Variants in MALRD1 observed in about 807,000 individuals in gnomAD.
MALRD1 encodes MAM and LDL-receptor class A domain-containing protein 1.
MALRD1 carries 247 observed loss-of-function variants against 242.1 expected under a neutral mutation model. That is an observed-to-expected ratio of 1.02 (90% CI 0.92 to 1.13). The LOEUF is 1.13. Among genes scored for constraint, MALRD1 ranks in the 50% most tolerant of loss-of-function variants. The probability of loss-of-function intolerance (pLI) is 0.00; values close to 1 mark genes in which losing one functional copy is unlikely to be tolerated. For synonymous variants in MALRD1, 995 were observed against 866.6 expected (o/e 1.15, Z -2.60); for missense variants, 2,989 against 2,533.1 (o/e 1.18, Z -3.86).
At chr10:19,600,453 C>T (rs1347378113) in intron 34 of MALRD1, among the ~76,000 whole-genome samples, 1 of 152,090 alleles carries the variant, frequency 6.6e-6, no homozygotes, top group East Asian at 1.9e-4. Flanking sequence ...ATTATTTAAA[C>T]TGCTAAGGTA....
At chr10:19,108,920 T>C (rs1427371710) in intron 5 of MALRD1, among the ~76,000 whole-genome samples, 2 of 152,284 alleles carry the variant, frequency 1.3e-5, no homozygotes, top group East Asian at 3.9e-4. Flanking sequence ...TTGATATCTG[T>C]GCAACTGGTG....
chr10:19,139,645 G>A (rs972138532), intron 10 of MALRD1, among the ~76,000 whole-genome samples: 4 of 152,046 alleles, frequency 2.6e-5, no homozygotes, highest in South Asian at 2.1e-4. Flanking sequence ...CTTACTTTTC[G>A]GTATTATTTT....
chr10:19,543,897 C>G (rs1835093233), intron 32 of MALRD1, among the ~76,000 whole-genome samples: 1 of 152,140 alleles, frequency 6.6e-6, no homozygotes, highest in Non-Finnish European at 1.5e-5. Flanking sequence ...AATAAACTCT[C>G]TACTTAACGT....
intron 29 of MALRD1, among the ~76,000 whole-genome samples, chr10:19,468,176 A>T (rs535093562): frequency 2.2e-4 from 34 of 152,320 alleles, no homozygotes; most frequent in Middle Eastern, 3.4e-3. Flanking sequence ...TTTATTCCTT[A>T]ATGGTTAATT....
At chr10:19,121,112 C>T (rs1470868868) in intron 5 of MALRD1, among the ~76,000 whole-genome samples, 8 of 136,032 alleles carry the variant, frequency 5.9e-5, no homozygotes, top group Non-Finnish European at 1.2e-4. Flanking sequence ...GGTGCGATCT[C>T]GGCTCACTGC....
At chr10:19,347,236 T>C (rs1844172340) in intron 24 of MALRD1, among the ~76,000 whole-genome samples, 1 of 152,178 alleles carries the variant, frequency 6.6e-6, no homozygotes, top group African/African-American at 2.4e-5. Flanking sequence ...TAATGCAACT[T>C]AACCTATTTA....
intron 39 of MALRD1, among the ~76,000 whole-genome samples, chr10:19,732,991 T>A (rs530752591): frequency 1.3e-4 from 20 of 152,212 alleles, no homozygotes; most frequent in Non-Finnish European, 2.6e-4. Flanking sequence ...TCCTGGCACA[T>A]CTCCTGACCT....
chr10:19,457,574 C>A (rs1054194306), intron 29 of MALRD1, among the ~76,000 whole-genome samples: 2 of 151,864 alleles, frequency 1.3e-5, no homozygotes, highest in African/African-American at 4.8e-5. Context: ...TGTTCTGTTT[C>A]TAAAAGAAAT....
intron 32 of MALRD1, among the ~76,000 whole-genome samples, chr10:19,535,026 C>T (rs1466061479): frequency 6.6e-6 from 1 of 152,086 alleles, no homozygotes; most frequent in Non-Finnish European, 1.5e-5. Flanking sequence ...GCTGGGATTA[C>T]AGGCAGGTGC....
Position 19,136,720 on chromosome 10 carries a change from ATCTG to A in MALRD1, c.1356_1359del (p.Cys453ThrfsTer44). 1 of 1,231,700 alleles carries A rather than the reference ATCTG, an allele frequency of 8.1e-7. No homozygotes were observed. The highest frequency in any genetic ancestry group is 1.0e-6 in the Non-Finnish European group (1 of 987,984). 76.3% of individuals were successfully genotyped at this position (1,231,700 alleles called of 1,614,324 possible). On this transcript the variant is annotated frameshift_variant, in exon 10 of 40. Transcript: ENST00000454679. LOFTEE classifies it high-confidence loss of function. ...CTAGTGGCCAGTGCATCGCCAAAGA[ATCTG>A]TCTGTGACTCTCGGCAGGACTGCTC...
intron 31 of MALRD1, among the ~76,000 whole-genome samples, chr10:19,514,510 C>G (rs1042785556): frequency 2.6e-5 from 4 of 151,996 alleles, no homozygotes; most frequent in Admixed American, 6.6e-5. Flanking sequence ...CTAATTTAGA[C>G]TTTGATTTTG....
intron 21 of MALRD1, among the ~76,000 whole-genome samples, chr10:19,318,018 G>T (rs995695405): frequency 6.6e-6 from 1 of 151,930 alleles, no homozygotes; most frequent in Non-Finnish European, 1.5e-5. Context: ...CCTACTTCCC[G>T]CTCTGTATGA....
intron 5 of MALRD1, among the ~76,000 whole-genome samples, chr10:19,123,079 G>T (rs1837122844): frequency 6.6e-6 from 1 of 152,134 alleles, no homozygotes; most frequent in Non-Finnish European, 1.5e-5. Flanking sequence ...CAGTTCCAGG[G>T]AAGATCCACC....
At chr10:19,125,366 TTTCTTTCTTTCTTTCC>T (rs1308704493) in intron 7 of MALRD1, among the ~76,000 whole-genome samples, 2,032 of 124,210 alleles carry the variant, frequency 0.016, 62 homozygotes, top group African/African-American at 0.034. Context: ...TCTTTCTTTC[TTTCTTTCTTTCTTTCC>T]TTCCTTCCTT....
At chr10:19,478,067 G>A (rs111412836) in intron 29 of MALRD1, among the ~76,000 whole-genome samples, 3 of 152,284 alleles carry the variant, frequency 2.0e-5, no homozygotes, top group African/African-American at 7.2e-5. Context: ...AAATGATTCG[G>A]GGGCTGCTTT....
intron 8 of MALRD1, among the ~76,000 whole-genome samples, chr10:19,129,488 C>T (rs1837385488): frequency 6.6e-6 from 1 of 151,960 alleles, no homozygotes; most frequent in African/African-American, 2.4e-5. Context: ...ACCTGTACTT[C>T]AGGAATTTGT....
rs546035331 is a variant in MALRD1, at chr10:19,512,884, T to C, written c.5320+14238T>C. 3.9e-5 allele frequency among the ~76,000 whole-genome samples: 6 copies of C among 152,324 alleles called. No homozygotes were observed. In the East Asian group the frequency reaches 7.7e-4, roughly 20 times the overall value. On this transcript the variant is annotated intron_variant, in intron 31 of 39. Transcript: ENST00000454679. ...TAATGATTCATGGAGTGCATAGTTT[T>C]AAATAATGGAAGATTTAAGGACTCA...
intron 28 of MALRD1, among the ~76,000 whole-genome samples, chr10:19,394,653 A>C (rs1409187083): frequency 2.6e-5 from 4 of 152,128 alleles, no homozygotes; most frequent in African/African-American, 9.7e-5. Context: ...CATATTCACC[A>C]CTGCCATAAT....
chr10:19,130,039 A>G (rs530409259), intron 8 of MALRD1, among the ~76,000 whole-genome samples: 2 of 152,040 alleles, frequency 1.3e-5, no homozygotes, highest in East Asian at 1.9e-4. Flanking sequence ...ATTGGATGAG[A>G]TATAATTTTC....
Sources: gnomAD v4.1 joint callset for allele counts (sites outside exome capture counted in the v4.1 genomes callset) on GRCh38, gnomAD v4.1.1 for gene constraint, MANE v1.5 for transcripts, NCBI Gene and HGNC (gene_info 2026-07-23, HGNC 2026-07-21) for gene names.